Variants in PREX2 observed in about 807,000 individuals in gnomAD.
The protein encoded by PREX2 is phosphatidylinositol 3,4,5-trisphosphate-dependent Rac exchanger 2 protein.
A neutral mutation model predicts 203.2 loss-of-function variants in PREX2; 107 were observed. That is an observed-to-expected ratio of 0.53 (90% CI 0.45 to 0.62). PREX2 has a LOEUF of 0.62. PREX2 is among the 20% of genes least tolerant of loss of function. PREX2 has a pLI of 0.00. For missense variants in PREX2, 1,777 were observed against 1,955.9 expected (o/e 0.91, Z 1.72); for synonymous variants, 672 against 663.6 (o/e 1.01, Z -0.19).
At chr8:68,198,775 T>G (rs111440845) in intron 37 of PREX2, among the ~76,000 whole-genome samples, 3,010 of 152,260 alleles carry the variant, frequency 0.02, 55 homozygotes, top group Non-Finnish European at 0.034. Flanking sequence ...CTAGTGAAGG[T>G]GAGAAATCTG....
intron 35 of PREX2, among the ~76,000 whole-genome samples, chr8:68,174,802 A>G (rs1216553754): frequency 2.0e-5 from 3 of 152,224 alleles, no homozygotes; most frequent in Non-Finnish European, 4.4e-5. Context: ...CTCAAAAGCC[A>G]GAGCAACCAA....
intron 37 of PREX2, among the ~76,000 whole-genome samples, chr8:68,194,837 A>G (rs1330749875): frequency 6.6e-6 from 1 of 151,640 alleles, no homozygotes; most frequent in Non-Finnish European, 1.5e-5. Context: ...GGTCATGCAG[A>G]TATCTCAGAG....
At chr8:67,965,034 G>A (rs577172941) in intron 1 of PREX2, among the ~76,000 whole-genome samples, 56 of 152,252 alleles carry the variant, frequency 3.7e-4, no homozygotes, top group African/African-American at 1.3e-3. Context: ...CGCAGAACTT[G>A]TTGACTCCGG....
At position 68,232,699 on chromosome 8, in the gene PREX2, A is replaced by C. The variant is rs924884357; in HGVS notation, c.*1321A>C. The C allele has an allele frequency of 3.3e-5, 5 of 152,226 alleles. No individual in the cohort carries two copies. The highest frequency in any genetic ancestry group is 7.3e-5 in the Non-Finnish European group (5 of 68,038). 9.4% of individuals were successfully genotyped at this position (152,226 alleles called of 1,614,324 possible). On this transcript the variant is annotated 3_prime_UTR_variant, in exon 40 of 40. Transcript: ENST00000288368. ...GGTGGTGCAATCTTGGCTCACTGCA[A>C]CCTCCACCTCCTGGGTTCAAGCCAT...
chr8:68,178,513 G>A (rs192577632), intron 35 of PREX2, among the ~76,000 whole-genome samples: 7 of 151,796 alleles, frequency 4.6e-5, no homozygotes, highest in African/African-American at 1.2e-4. Flanking sequence ...CTGGATATTA[G>A]ACCTTTGGCA....
intron 5 of PREX2, among the ~76,000 whole-genome samples, chr8:68,028,652 A>G (rs1807799078): frequency 6.6e-6 from 1 of 151,914 alleles, no homozygotes; most frequent in Non-Finnish European, 1.5e-5. Context: ...CAGAGGGAGT[A>G]TTGTTGCAAA....
intron 1 of PREX2, among the ~76,000 whole-genome samples, chr8:67,954,711 A>G (rs1391874263): frequency 1.3e-5 from 2 of 152,236 alleles, no homozygotes; most frequent in African/African-American, 2.4e-5. Flanking sequence ...TTAGTCATTA[A>G]TCATTTCTAT....
intron 1 of PREX2, among the ~76,000 whole-genome samples, chr8:68,003,644 C>A (rs1484467422): frequency 6.6e-6 from 1 of 152,074 alleles, no homozygotes; most frequent in Non-Finnish European, 1.5e-5. Flanking sequence ...TAAGATTACT[C>A]AAATTCTGTG....
At chr8:68,071,601 T>C (rs1026710554) in intron 13 of PREX2, among the ~76,000 whole-genome samples, 1 of 152,154 alleles carries the variant, frequency 6.6e-6, no homozygotes, top group Non-Finnish European at 1.5e-5. Flanking sequence ...TTTCTGCCCT[T>C]GGGTATTCAG....
chr8:68,206,674 G>A (rs1812631778), intron 37 of PREX2, among the ~76,000 whole-genome samples: 1 of 152,156 alleles, frequency 6.6e-6, no homozygotes, highest in South Asian at 2.1e-4. Context: ...GAAGACAAAT[G>A]TTTAGGATTT....
intron 1 of PREX2, among the ~76,000 whole-genome samples, chr8:68,000,246 A>C (rs1806901706): frequency 6.6e-6 from 1 of 152,204 alleles, no homozygotes; most frequent in African/African-American, 2.4e-5. Flanking sequence ...AATTTTAGCA[A>C]AGTCTCTGAA....
At chr8:68,185,492 T>C (rs954699560) in intron 35 of PREX2, among the ~76,000 whole-genome samples, 1 of 152,212 alleles carries the variant, frequency 6.6e-6, no homozygotes, top group African/African-American at 2.4e-5. Flanking sequence ...GCCATATTCT[T>C]ATGTGGCCTT....
chr8:67,986,273 C>T (rs578014635), intron 1 of PREX2, among the ~76,000 whole-genome samples: 1 of 152,304 alleles, frequency 6.6e-6, no homozygotes, highest in Admixed American at 6.5e-5. Flanking sequence ...AGATGGGGAA[C>T]TCAGGTACAG....
chr8:68,101,180 G>A (rs887410430), intron 23 of PREX2, among the ~76,000 whole-genome samples: 2 of 152,036 alleles, frequency 1.3e-5, no homozygotes, highest in Non-Finnish European at 2.9e-5. Context: ...TGTGTTTTAT[G>A]TTCTTGATAT....
chr8:67,999,949 T>C (rs60319162), intron 1 of PREX2, among the ~76,000 whole-genome samples: 398 of 152,270 alleles, frequency 2.6e-3, no homozygotes, highest in African/African-American at 9.2e-3. Flanking sequence ...ATAAACTAAG[T>C]ATTGAAGGAA....
intron 14 of PREX2, among the ~76,000 whole-genome samples, chr8:68,073,141 A>G (rs1809248769): frequency 6.6e-6 from 1 of 151,626 alleles, no homozygotes; most frequent in African/African-American, 2.4e-5. Context: ...CCATCATAAG[A>G]GACATTCAAC....
chr8:68,175,404 C>T (rs77970707), intron 35 of PREX2, among the ~76,000 whole-genome samples: 9,045 of 151,992 alleles, frequency 0.06, 321 homozygotes, highest in East Asian at 0.13. Flanking sequence ...AGGCCGGGGT[C>T]GGAGAGGATG....
At chr8:67,956,978 G>C (rs1478065753) in intron 1 of PREX2, among the ~76,000 whole-genome samples, 1 of 152,174 alleles carries the variant, frequency 6.6e-6, no homozygotes, top group African/African-American at 2.4e-5. Flanking sequence ...GTAGAAGGGA[G>C]AACAATAGCA....
intron 35 of PREX2, among the ~76,000 whole-genome samples, chr8:68,185,305 A>G (rs141778800): frequency 2.0e-4 from 31 of 152,306 alleles, no homozygotes; most frequent in African/African-American, 6.5e-4. Flanking sequence ...ATGTGGATTC[A>G]GCCTACTTAG....
Sources: allele counts gnomAD v4.1 joint callset (sites outside exome capture counted in the v4.1 genomes callset), GRCh38; gene constraint gnomAD v4.1.1; transcripts MANE v1.5; gene names NCBI Gene and HGNC (gene_info 2026-07-23, HGNC 2026-07-21).